The following KDM6A variants were observed in gnomAD, a reference collection of about 807,000 sequenced individuals.
The protein encoded by KDM6A is lysine-specific demethylase 6A.
A neutral mutation model predicts 117.6 loss-of-function variants in KDM6A; 11 were observed. That is an observed-to-expected ratio of 0.09 (90% CI 0.06 to 0.15). The LOEUF is 0.15. Among genes scored for constraint, KDM6A ranks in the 10% least tolerant of loss-of-function variants. The pLI is 1.00. For synonymous variants in KDM6A, 384 were observed against 396.1 expected, an observed-to-expected ratio of 0.97 and a Z score of 0.36; for missense variants, 799 against 1,077.3, an observed-to-expected ratio of 0.74 and a Z score of 3.62.
At chrX:44,994,712 A>T (rs1005989519) in intron 4 of KDM6A, among the ~76,000 whole-genome samples, 3 of 111,896 alleles carry the variant, frequency 2.7e-5, no homozygotes, top group Non-Finnish European at 5.6e-5. Context: ...GTGAGCGCAC[A>T]CTTGGGCAAG....
chrX:44,951,702 A>G (rs2038017295), intron 2 of KDM6A, among the ~76,000 whole-genome samples: 1 of 110,485 alleles, frequency 9.1e-6, no homozygotes, highest in Non-Finnish European at 1.9e-5. Context: ...GTTGGGGAGG[A>G]GGAGCTAGTG....
At chrX:44,940,861 C>G (rs2037269379) in intron 2 of KDM6A, among the ~76,000 whole-genome samples, 1 of 110,883 alleles carries the variant, frequency 9.0e-6, no homozygotes, top group African/African-American at 3.3e-5. Context: ...CATGGAGAAA[C>G]CCCGTCTCTA....
At chrX:45,004,889 C>T (rs945193492) in intron 4 of KDM6A, among the ~76,000 whole-genome samples, 19 of 110,331 alleles carry the variant, frequency 1.7e-4, no homozygotes, top group African/African-American at 6.3e-4. Context: ...GACATTAACT[C>T]GACCCAAGTG....
rs1482851834 is a variant in KDM6A at position 45,111,376 on chromosome X, T to A, written c.4333-6T>A. ...TCAAAATAACCTACCTTACTTTTAT[T>A]TTCAGGCTCCTCCATTACCATCCGC... On this transcript the variant is annotated splice_polypyrimidine_tract_variant and splice_region_variant and intron_variant, in intron 29 of 29. Coordinates refer to ENST00000611820, the MANE Select transcript of KDM6A (RefSeq NM_001291415.2). 1 of 1,193,364 alleles carries A rather than the reference T, an allele frequency of 8.4e-7. No individual in the cohort carries two copies. The highest frequency in any genetic ancestry group is 1.8e-5 in the South Asian group (1 of 56,575).
intron 4 of KDM6A, among the ~76,000 whole-genome samples, chrX:45,004,110 G>A (rs1391266277): frequency 9.0e-6 from 1 of 110,675 alleles, no homozygotes; most frequent in African/African-American, 3.3e-5. Context: ...TCTTAGTTCA[G>A]GACATCCTCT....
At chrX:44,927,696 A>G (rs892233374) in intron 2 of KDM6A, among the ~76,000 whole-genome samples, 1 of 111,850 alleles carries the variant, frequency 8.9e-6, no homozygotes, top group Non-Finnish European at 1.9e-5. Flanking sequence ...TTGGTAAAGG[A>G]CAGAAGCCTT....
chrX:44,883,191 C>G (rs971766029), intron 2 of KDM6A, among the ~76,000 whole-genome samples: 10 of 109,104 alleles, frequency 9.2e-5, no homozygotes, highest in African/African-American at 3.4e-4. Context: ...GTCTCAGCCT[C>G]TTGAGTAGCT....
chrX:45,044,244 C>G (rs1446967755), intron 8 of KDM6A, among the ~76,000 whole-genome samples: 1 of 111,709 alleles, frequency 9.0e-6, no homozygotes, highest in Non-Finnish European at 1.9e-5. Flanking sequence ...AATTTACCTT[C>G]CCTGTTTTAT....
At position 45,078,422 on chromosome X, in the gene KDM6A, T is replaced by C; in HGVS notation, c.3011T>C (p.Phe1004Ser). 1 of 1,209,552 alleles carries C rather than the reference T, an allele frequency of 8.3e-7. No homozygotes were observed. Among genetic ancestry groups the C allele is most frequent in the Admixed American group, 2.2e-5 (1 of 45,933 alleles). ...SIYLENKRDAFFPPLHQFCTN... is the reference protein window; with the variant it reads ...SIYLENKRDASFPPLHQFCTN... ...CAGTTGGAAAATAAACGTGATGCTT[T>C]CTTTCCTCCATTACATCAATTTTGT... is the stretch of plus-strand genomic sequence containing the variant. The change falls in exon 20 of 30, where the codon TTC becomes TCC. Residue 1004 changes from phenylalanine to serine, a missense_variant. This residue lies in a region of KDM6A where 291 missense variants were observed against 437.9 expected (regional missense o/e 0.66). Transcript: ENST00000611820.
intron 2 of KDM6A, among the ~76,000 whole-genome samples, chrX:44,909,321 C>T (rs1308654334): frequency 1.8e-5 from 2 of 111,533 alleles, no homozygotes; most frequent in South Asian, 3.7e-4. Context: ...AGTATTCCGG[C>T]GTTCAAATAC....
chrX:44,899,224 C>CGTGTGTGTGT (rs572085670), intron 2 of KDM6A, among the ~76,000 whole-genome samples: 11 of 49,285 alleles, frequency 2.2e-4, no homozygotes, highest in South Asian at 1.5e-3. Flanking sequence ...TGTGTGTATG[C>CGTGTGTGTGT]GTGTGTGTGT....
rs753297426 is a variant in KDM6A, at chrX:45,069,895, T to C, written c.2396T>C (p.Leu799Pro). The C allele has an allele frequency of 5.0e-6, 6 of 1,209,414 alleles. No homozygotes were observed. The Admixed American group carries it at 1.1e-4, about 22-fold the overall frequency. Residue 799 changes from leucine to proline, a missense_variant, in exon 18 of 30, where the codon CTT becomes CCT. Around this residue, in one of 8 missense-constraint regions of KDM6A, gnomAD observed 301 missense variants for 318.3 expected, o/e 0.95. Transcript: ENST00000611820. ...AACAGCACTGCCAGTGTCGAGGGACTTCCTAATCATGTCCATCAGATGACG... is the reference window on the plus strand; with the variant it reads ...AACAGCACTGCCAGTGTCGAGGGACCTCCTAATCATGTCCATCAGATGACG... ...TPNSTASVEG[L>P]PNHVHQMTAD...
At chrX:45,107,263 A>C (rs1308214692) in intron 27 of KDM6A, 147 bp from the exon 28 acceptor site, 1 of 548,318 alleles carries the variant, frequency 1.8e-6, no homozygotes, top group Non-Finnish European at 3.1e-6. Context: ...AAATCTGAGA[A>C]TATTTGATAA....
At chrX:45,079,397 T>C (rs1307528693) in intron 21 of KDM6A, 46 bp downstream of exon 21, 1 of 988,162 alleles carries the variant, frequency 1.0e-6, no homozygotes, top group Non-Finnish European at 1.4e-6. Context: ...TTAAAGATGA[T>C]TTTACTTTGG....
chrX:44,981,185 T>C (rs1396504893), intron 4 of KDM6A, among the ~76,000 whole-genome samples: 1 of 111,603 alleles, frequency 9.0e-6, no homozygotes, highest in Non-Finnish European at 1.9e-5. Context: ...TACCTGGAGA[T>C]AGTTTCAGAT....
chrX:44,894,601 C>CTTAA (rs1197118636), intron 2 of KDM6A, among the ~76,000 whole-genome samples: 11 of 103,018 alleles, frequency 1.1e-4, no homozygotes, highest in African/African-American at 3.7e-4. Flanking sequence ...GGTTTGTCAA[C>CTTAA]TTAATTAATT....
chrX:45,036,222 G>A (rs1415947310), intron 7 of KDM6A, among the ~76,000 whole-genome samples: 3 of 111,462 alleles, frequency 2.7e-5, no homozygotes, highest in African/African-American at 9.8e-5. Flanking sequence ...GCACTCAAGC[G>A]ATCTTCCTGC....
chrX:45,088,058 G>A (rs936794083), intron 25 of KDM6A, among the ~76,000 whole-genome samples: 4 of 110,876 alleles, frequency 3.6e-5, no homozygotes, highest in Non-Finnish European at 5.7e-5. Context: ...TTTTTGGGGC[G>A]GGGGGTGTCT....
chrX:44,945,834 A>G (rs2037596051), intron 2 of KDM6A, among the ~76,000 whole-genome samples: 1 of 111,627 alleles, frequency 9.0e-6, no homozygotes, highest in Non-Finnish European at 1.9e-5. Context: ...GCCACTAATA[A>G]TGAGAGATAC....
Sources: allele counts gnomAD v4.1 joint callset (sites outside exome capture counted in the v4.1 genomes callset), GRCh38; gene constraint gnomAD v4.1.1; regional missense constraint gnomAD v4.1.1; transcripts MANE v1.5; gene names NCBI Gene and HGNC (gene_info 2026-07-23, HGNC 2026-07-21).